The following ATP5MC2 variants were observed in gnomAD, a reference collection of about 807,000 sequenced individuals.
ATP5MC2 encodes the protein ATP synthase F(0) complex subunit C2, mitochondrial.
Under a neutral mutation model 13.5 loss-of-function variants are expected in ATP5MC2, and 11 were observed. The ratio of observed to expected loss-of-function variants is 0.81; its 90% CI spans 0.51 to 1.35. ATP5MC2 has a LOEUF of 1.35. ATP5MC2 is among the 40% of genes most tolerant of loss of function. The pLI, the probability that ATP5MC2 is intolerant of heterozygous loss-of-function variation, is 0.00. For synonymous variants in ATP5MC2, 64 were observed against 69.7 expected, an observed-to-expected ratio of 0.92 and a Z score of 0.41; for missense variants, 132 against 175.0, an observed-to-expected ratio of 0.75 and a Z score of 1.39.
chr12:53,672,210 CTTACTTAT>C lies in ATP5MC2; in HGVS notation c.39+358_39+365del, dbSNP rs1384688450. ...GGGCCTTCCCTCCCCAAGAATCTTTCTTACTTATTTACTTATTTATTTATTTTTTGAGA... is the reference window on the plus strand; with the variant it reads ...GGGCCTTCCCTCCCCAAGAATCTTTCTTACTTATTTATTTATTTTTTGAGA... On this transcript the variant is annotated intron_variant, in intron 2 of 4. Transcript: ENST00000394349. 5.3e-5 allele frequency among the ~76,000 whole-genome samples: 8 copies of C among 150,766 alleles called. No individual in the cohort carries two copies. In the East Asian group the frequency reaches 1.2e-3, roughly 22 times the overall value.
At position 53,665,428 on chromosome 12, in the gene ATP5MC2, C is replaced by A; in HGVS notation, c.312G>T (p.Arg104Ser). 1 of 1,611,050 alleles carries A rather than the reference C, an allele frequency of 6.2e-7. No homozygotes were observed. The highest frequency in any genetic ancestry group is 2.2e-5 in the East Asian group (1 of 44,854). ...AGAGCTGTTGCTTCAGAGAAGGGTTCCTGGTAGAAGGAGAAGAGAAAAGAC... is the reference window on the plus strand; with the variant it reads ...AGAGCTGTTGCTTCAGAGAAGGGTTACTGGTAGAAGGAGAAGAGAAAAGAC... ...VFGSLIIGYA[R>S]NPSLKQQLFS... is the part of the protein sequence containing the mutation. Residue 104 changes from arginine to serine, a missense_variant and splice_region_variant, in exon 5 of 5, where the codon AGG becomes AGT. Coordinates refer to ENST00000394349, the MANE Select transcript of ATP5MC2 (RefSeq NM_005176.7).
chr12:53,676,023 C>G (rs147349765), intron 1 of ATP5MC2, 30 bp downstream of exon 1: 1 of 1,607,316 alleles, frequency 6.2e-7, no homozygotes, highest in Non-Finnish European at 8.5e-7. Flanking sequence ...GTGCGCAGCG[C>G]ACAGAGGGCT....
At chr12:53,678,364 CCATCACCACCAT>C (rs1256529640), upstream of ATP5MC2, among the ~76,000 whole-genome samples, 1 of 116,588 alleles carries the variant, frequency 8.6e-6, no homozygotes. Context: ...ACCACCACCA[CCATCACCACCAT>C]CATCACCATC....
At chr12:53,681,209 C>T (rs922061828), upstream of ATP5MC2, among the ~76,000 whole-genome samples, 28 of 151,506 alleles carry the variant, frequency 1.8e-4, no homozygotes, top group Admixed American at 4.6e-4. Flanking sequence ...TGCAACAGCA[C>T]GCCCTAATTT....
At chr12:53,668,744 C>T (rs927544506) in intron 4 of ATP5MC2, among the ~76,000 whole-genome samples, 5 of 152,012 alleles carry the variant, frequency 3.3e-5, no homozygotes, top group Non-Finnish European at 5.9e-5. Context: ...TCAGGTCAAG[C>T]GCGGGGGCTC....
Position 53,676,051 on chromosome 12 carries a change from A to G in ATP5MC2, c.-32+2T>C. The G allele has an allele frequency of 6.2e-7, 1 of 1,613,726 alleles. No individual in the cohort carries two copies. The highest frequency in any genetic ancestry group is 8.5e-7 in the Non-Finnish European group (1 of 1,179,918). ...AGAGGGCTCTAGGTCCCAAGGCCTT[A>G]CCTGCTCCCACTGCAGAGAAGACAG... is the stretch of plus-strand genomic sequence containing the variant. On this transcript the variant is annotated splice_donor_variant, in intron 1 of 4. Transcript: ENST00000394349. LOFTEE classifies it low-confidence loss of function (5UTR_SPLICE).
chr12:53,680,919 T>A (rs9739598), upstream of ATP5MC2, among the ~76,000 whole-genome samples: 1 of 151,558 alleles, frequency 6.6e-6, no homozygotes, highest in South Asian at 2.1e-4. Flanking sequence ...ATTATTTTTG[T>A]GGGGGAGGTG....
chr12:53,674,159 C>A (rs1029512203), intron 1 of ATP5MC2: 2 of 152,108 alleles, frequency 1.3e-5, no homozygotes, highest in African/African-American at 4.8e-5. Flanking sequence ...CCAGCCTGGG[C>A]AAACATCAAG....
upstream of ATP5MC2, among the ~76,000 whole-genome samples, chr12:53,679,875 G>T (rs1487238862): frequency 6.6e-6 from 1 of 152,228 alleles, no homozygotes; most frequent in Non-Finnish European, 1.5e-5. Context: ...AGGATCACTG[G>T]TATCCAGGCT....
upstream of ATP5MC2, among the ~76,000 whole-genome samples, chr12:53,680,040 C>G (rs565996311): frequency 6.6e-6 from 1 of 152,072 alleles, no homozygotes. Context: ...GGCTGGGGTG[C>G]GGTGACACGA....
chr12:53,670,302 T>G (rs1291145677), intron 2 of ATP5MC2: 1 of 361,204 alleles, frequency 2.8e-6, no homozygotes, highest in Non-Finnish European at 5.4e-6. Flanking sequence ...ATACAGATGC[T>G]CCTCAACTTA....
Position 53,669,925 on chromosome 12 carries a change from C to G in ATP5MC2, c.63G>C (p.Leu21=). The G allele has an allele frequency of 6.2e-7, 1 of 1,614,062 alleles. No homozygotes were observed. Among genetic ancestry groups the G allele is most frequent in the Non-Finnish European group, 8.5e-7 (1 of 1,179,984 alleles). ...GCACCACTGCAGATAGCGGACGGCT[C>G]AGCAGCTGTGAGGTGCTCTTGACCT... The part of the protein sequence containing the change: ...PSLVKSTSQL[L]SRPLSAVVLK... Residue 21 remains leucine (L), a synonymous_variant, in exon 3 of 5, where the codon CTG becomes CTC. Coordinates refer to ENST00000394349, the MANE Select transcript of ATP5MC2 (RefSeq NM_005176.7).
chr12:53,676,186 C>G (rs35269323), upstream of ATP5MC2: 7 of 1,613,254 alleles, frequency 4.3e-6, no homozygotes, highest in Non-Finnish European at 5.9e-6. Flanking sequence ...AGGATCAGCT[C>G]AGGCATCACA....
In ATP5MC2 at chr12:53,669,264, T is replaced by C. The variant is rs779350957; in HGVS notation, c.195A>G (p.Ser65=). The C allele has an allele frequency of 6.2e-6, 10 of 1,614,000 alleles. No homozygotes were observed. The African/African-American group carries it at 1.2e-4, about 19-fold the overall frequency. The change falls in exon 4 of 5, where the codon TCA becomes TCG. Residue 65 remains serine, a synonymous_variant. Transcript: ENST00000394349. ...ACTTGGCTGCTGTGTCGATGTCCCTTGAAATGGCGCTGGTTTGGAAGCTGC... is the reference window on the plus strand; with the variant it reads ...ACTTGGCTGCTGTGTCGATGTCCCTCGAAATGGCGCTGGTTTGGAAGCTGC... ...SSRSFQTSAI[S]RDIDTAAKFI...
chr12:53,665,533 A>C, intron 4 of ATP5MC2, 105 bp from the exon 5 acceptor site: 9 of 969,654 alleles, frequency 9.3e-6, no homozygotes, highest in South Asian at 1.4e-5. Context: ...AGATTATCTC[A>C]CATAATAAAG....
At chr12:53,676,273 G>C, upstream of ATP5MC2, 1 of 1,531,298 alleles carries the variant, frequency 6.5e-7, no homozygotes, top group South Asian at 1.2e-5. Flanking sequence ...TACAGGGAGC[G>C]CCGACTGCAG....
At chr12:53,674,455 C>T (rs1410365519) in intron 1 of ATP5MC2, among the ~76,000 whole-genome samples, 1 of 152,230 alleles carries the variant, frequency 6.6e-6, no homozygotes, top group Non-Finnish European at 1.5e-5. Context: ...TAAACCCAGT[C>T]TTGAAACTGT....
intron 4 of ATP5MC2, among the ~76,000 whole-genome samples, chr12:53,666,270 C>G (rs1944911787): frequency 6.6e-6 from 1 of 151,554 alleles, no homozygotes; most frequent in Non-Finnish European, 1.5e-5. Context: ...CTGGTGAAAC[C>G]CTGTCTCTAC....
chr12:53,675,864 G>A (rs1945247339), intron 1 of ATP5MC2, among the ~76,000 whole-genome samples, 189 bp downstream of exon 1: 1 of 152,244 alleles, frequency 6.6e-6, no homozygotes, highest in African/African-American at 2.4e-5. Context: ...GATGGCGCCA[G>A]GCCCGCGCGG....
Sources: allele counts gnomAD v4.1 joint callset (sites outside exome capture counted in the v4.1 genomes callset), GRCh38; gene constraint gnomAD v4.1.1; transcripts MANE v1.5; gene names NCBI Gene and HGNC (gene_info 2026-07-23, HGNC 2026-07-21).